RERE: variants seen among roughly 807,000 people sequenced by gnomAD.
RERE encodes arginine-glutamic acid dipeptide repeats protein.
In RERE, 40 loss-of-function variants were observed where a neutral mutation model predicts 146.1. The ratio of observed to expected loss-of-function variants is 0.27; its 90% CI spans 0.21 to 0.36. RERE has a LOEUF of 0.36. Ranked by LOEUF, RERE falls within the 10% of genes least tolerant of loss-of-function variation. The pLI, the probability that RERE is intolerant of heterozygous loss-of-function variation, is 1.00. For missense variants in RERE, 1,933 were observed against 2,138.7 expected (o/e 0.90, Z 1.90); for synonymous variants, 1,003 against 866.0 (o/e 1.16, Z -2.78).
chr1:8,528,594 C>A (rs773695099), intron 7 of RERE, among the ~76,000 whole-genome samples: 1 of 152,014 alleles, frequency 6.6e-6, no homozygotes, highest in African/African-American at 2.4e-5. Context: ...AATCCCAAAC[C>A]AAAAATGTTC....
chr1:8,680,632 T>G (rs1366746434), intron 1 of RERE, among the ~76,000 whole-genome samples: 2 of 152,144 alleles, frequency 1.3e-5, no homozygotes, highest in African/African-American at 2.4e-5. Context: ...ATCAGAACTG[T>G]GGGCTTCAGG....
At chr1:8,401,390 C>T (rs1643259048) in intron 12 of RERE, among the ~76,000 whole-genome samples, 3 of 151,862 alleles carry the variant, frequency 2.0e-5, no homozygotes, top group South Asian at 2.1e-4. Context: ...TGCAGTGAGC[C>T]GAGATCCTGC....
chr1:8,448,637 G>A (rs780610379), intron 11 of RERE, among the ~76,000 whole-genome samples: 5 of 152,076 alleles, frequency 3.3e-5, no homozygotes, highest in East Asian at 1.9e-4. Context: ...AATAGGAAAC[G>A]TCATTGAAGA....
intron 1 of RERE, among the ~76,000 whole-genome samples, chr1:8,697,118 T>G (rs1361347731): frequency 6.6e-6 from 1 of 152,160 alleles, no homozygotes. Context: ...GAACATTTAC[T>G]CTAACCTATG....
intron 1 of RERE, among the ~76,000 whole-genome samples, chr1:8,668,963 T>TGTGTGTGTGTGTGTGTGTG (rs1553130735): frequency 1.2e-4 from 5 of 42,382 alleles, no homozygotes; most frequent in African/African-American, 4.9e-4. Flanking sequence ...TGTGTGTGTG[T>TGTGTGTGTGTGTGTGTGTG]TGTGTTTTTA....
chr1:8,488,243 T>TTTA (rs1644929926), intron 10 of RERE, among the ~76,000 whole-genome samples: 1 of 152,124 alleles, frequency 6.6e-6, no homozygotes, highest in Admixed American at 6.5e-5. Flanking sequence ...CTTTTTATTT[T>TTTA]TTATTATTAT....
chr1:8,798,987 C>T (rs908788072), intron 1 of RERE, among the ~76,000 whole-genome samples: 4 of 150,426 alleles, frequency 2.7e-5, no homozygotes, highest in South Asian at 2.1e-4. Flanking sequence ...CCACTGTGCC[C>T]GGCCTTTTTG....
Position 8,359,793 on chromosome 1 carries a change from C to T in RERE, c.3589G>A (p.Glu1197Lys), listed in dbSNP as rs1431471435. 1 of 1,602,228 alleles carries T rather than the reference C, an allele frequency of 6.2e-7. No homozygotes were observed. Among genetic ancestry groups the T allele is most frequent in the Non-Finnish European group, 8.5e-7 (1 of 1,178,882 alleles). Residue 1197 changes from glutamate to lysine, a missense_variant, in exon 19 of 23, where the codon GAG (glutamate) becomes AAG (lysine). Physicochemically the swap from Glu to Lys is moderately conservative, Grantham distance 56 (BLOSUM62 1). Transcript: ENST00000400908. The part of the protein sequence containing the change: ...EKEKERERER[E>K]REREAERAAK... Reference sequence around the variant, plus strand: ...GCCCGCTCTGCCTCGCGCTCCCGCTCTCGCTCCCGCTCCCGCTCCTTCTCC... The same window carrying T: ...GCCCGCTCTGCCTCGCGCTCCCGCTTTCGCTCCCGCTCCCGCTCCTTCTCC...
At chr1:8,688,353 G>C in intron 1 of RERE, among the ~76,000 whole-genome samples, 1 of 152,058 alleles carries the variant, frequency 6.6e-6, no homozygotes. Context: ...CCTGAACTCA[G>C]GAGTCGAAGA....
intron 7 of RERE, among the ~76,000 whole-genome samples, chr1:8,512,329 G>A (rs564707260): frequency 2.6e-5 from 4 of 152,076 alleles, no homozygotes; most frequent in East Asian, 1.9e-4. Flanking sequence ...CACCGCGCCC[G>A]GCCAGGAAAC....
chr1:8,613,663 C>T (rs956987828), intron 4 of RERE, among the ~76,000 whole-genome samples: 9 of 152,190 alleles, frequency 5.9e-5, no homozygotes, highest in African/African-American at 2.2e-4. Flanking sequence ...AGAGAGCTTG[C>T]TATCCTCTTG....
At chr1:8,654,924 C>G (rs532247449) in intron 2 of RERE, among the ~76,000 whole-genome samples, 16 of 151,698 alleles carry the variant, frequency 1.1e-4, no homozygotes, top group Admixed American at 2.0e-4. Flanking sequence ...CTGTGCCCAG[C>G]CTAAAAAAGG....
chr1:8,566,219 C>T (rs1258764206), intron 4 of RERE, among the ~76,000 whole-genome samples: 1 of 152,172 alleles, frequency 6.6e-6, no homozygotes, highest in Non-Finnish European at 1.5e-5. Context: ...GGCCTGAATC[C>T]ACCTATGGAA....
At chr1:8,788,637 A>G (rs567974988) in intron 1 of RERE, among the ~76,000 whole-genome samples, 9 of 150,694 alleles carry the variant, frequency 6.0e-5, no homozygotes, top group African/African-American at 2.0e-4. Context: ...TGCTGGGATT[A>G]CAGGCGTGAG....
intron 1 of RERE, among the ~76,000 whole-genome samples, chr1:8,668,862 C>T (rs368086035): frequency 1.3e-5 from 2 of 151,810 alleles, no homozygotes; most frequent in South Asian, 2.1e-4. Flanking sequence ...GATGAAAATG[C>T]CCTAAAATTG....
Position 8,385,125 on chromosome 1 carries a change from A to C in RERE, c.1285-19151T>G, listed in dbSNP as rs74049627. Among the ~76,000 whole-genome samples the C allele has an allele frequency of 5.1e-3, 783 of 152,316 alleles. 4 individuals carry two copies. Among genetic ancestry groups the C allele is most frequent in the African/African-American group, 0.018 (745 of 41,556 alleles). On this transcript the variant is annotated intron_variant, in intron 12 of 22. Transcript: ENST00000400908. Reference sequence around the variant, plus strand: ...TGGCCTTGGGTCTATGCTGTTCTTTATGGGAAGCACCGAGGAAAATACATC... The same window carrying C: ...TGGCCTTGGGTCTATGCTGTTCTTTCTGGGAAGCACCGAGGAAAATACATC...
chr1:8,789,301 A>T (rs1760400), intron 1 of RERE, among the ~76,000 whole-genome samples: 13,649 of 24,956 alleles, frequency 0.55, 4,408 homozygotes, highest in East Asian at 0.86. Context: ...AAAAAAAAAA[A>T]ATATATATAT....
chr1:8,355,211 C>T (rs1641242808), intron 22 of RERE, 91 bp from the exon 23 acceptor site: 6 of 1,378,226 alleles, frequency 4.4e-6, no homozygotes, highest in Middle Eastern at 1.8e-4. Flanking sequence ...AACAGCCAGG[C>T]AATCCAACCC....
intron 1 of RERE, among the ~76,000 whole-genome samples, chr1:8,777,533 CTTTTT>C (rs752250797): frequency 1.5e-5 from 2 of 137,680 alleles, no homozygotes. Context: ...AAGTGTCATA[CTTTTT>C]TTTTTTTTTT....
Sources: gnomAD v4.1 joint callset for allele counts (sites outside exome capture counted in the v4.1 genomes callset) on GRCh38, gnomAD v4.1.1 for gene constraint, MANE v1.5 for transcripts, NCBI Gene and HGNC (gene_info 2026-07-23, HGNC 2026-07-21) for gene names.